Variants in SYNJ2BP observed in about 807,000 individuals in gnomAD.
The protein encoded by SYNJ2BP is synaptojanin-2-binding protein.
Under a neutral mutation model 16.9 loss-of-function variants are expected in SYNJ2BP, and 10 were observed. That is an observed-to-expected ratio of 0.59 (90% CI 0.36 to 1.00). SYNJ2BP has a LOEUF of 1.00. SYNJ2BP is among the 50% of genes least tolerant of loss of function. The pLI is 0.01. For synonymous variants in SYNJ2BP, 54 were observed against 68.4 expected (o/e 0.79, Z 1.04); for missense variants, 162 against 186.7 (o/e 0.87, Z 0.77).
chr14:70,377,107 T>C (rs1039331122), intron 2 of SYNJ2BP, among the ~76,000 whole-genome samples: 8 of 152,224 alleles, frequency 5.3e-5, no homozygotes, highest in Admixed American at 2.0e-4. Flanking sequence ...AGCTCCAATA[T>C]CTCAAACTCT....
intron 1 of SYNJ2BP, among the ~76,000 whole-genome samples, chr14:70,406,540 T>A (rs2140866781): frequency 6.6e-6 from 1 of 152,342 alleles, no homozygotes; most frequent in South Asian, 2.1e-4. Context: ...TTAGGAGTCA[T>A]GCAGCTGGAG....
intron 1 of SYNJ2BP, among the ~76,000 whole-genome samples, chr14:70,395,432 G>A (rs537784733): frequency 2.0e-5 from 3 of 152,018 alleles, no homozygotes; most frequent in Admixed American, 6.5e-5. Context: ...AGATCAATCC[G>A]ACTAATTTTC....
rs770695069 is a variant in SYNJ2BP at position 70,373,144 on chromosome 14, GA to G, written c.298-14del. On this transcript the variant is annotated splice_polypyrimidine_tract_variant and intron_variant, in intron 3 of 3. Coordinates refer to ENST00000256366, the MANE Select transcript of SYNJ2BP (RefSeq NM_018373.3). ...TCTGCACCTGTAACTGGAAGGGAAA[GA>G]AAAATGTTAACTCTAGTGACTAATG... 1.2e-6 allele frequency: 2 copies of G among 1,612,606 alleles called. No homozygotes were observed. Among genetic ancestry groups the G allele is most frequent in the Non-Finnish European group, 1.7e-6 (2 of 1,179,512 alleles).
At chr14:70,373,454 G>A (rs1342635121) in intron 3 of SYNJ2BP, among the ~76,000 whole-genome samples, 2 of 152,270 alleles carry the variant, frequency 1.3e-5, no homozygotes, top group East Asian at 3.9e-4. Flanking sequence ...GAAGACATGA[G>A]ATAAAACCTA....
intron 1 of SYNJ2BP, among the ~76,000 whole-genome samples, chr14:70,408,389 G>A (rs540777910): frequency 7.2e-5 from 11 of 152,100 alleles, no homozygotes; most frequent in East Asian, 1.9e-4. Flanking sequence ...AACAAAAATC[G>A]GACAGGCGTG....
At chr14:70,413,005 G>T (rs1196264073) in intron 1 of SYNJ2BP, among the ~76,000 whole-genome samples, 1 of 152,066 alleles carries the variant, frequency 6.6e-6, no homozygotes. Flanking sequence ...AATCAAGCTG[G>T]ACTCCTGTAG....
intron 2 of SYNJ2BP, among the ~76,000 whole-genome samples, chr14:70,386,254 T>C (rs1887856325): frequency 6.6e-6 from 1 of 152,234 alleles, no homozygotes; most frequent in Admixed American, 6.5e-5. Context: ...GATGAATGTC[T>C]TTCCTTGGGA....
intron 3 of SYNJ2BP, among the ~76,000 whole-genome samples, chr14:70,374,823 C>T (rs981152969): frequency 1.1e-4 from 16 of 152,086 alleles, no homozygotes; most frequent in African/African-American, 1.9e-4. Flanking sequence ...AAGTTTTCAG[C>T]GGTAGACATA....
chr14:70,407,783 C>T (rs943369759), intron 1 of SYNJ2BP, among the ~76,000 whole-genome samples: 3 of 152,086 alleles, frequency 2.0e-5, no homozygotes, highest in African/African-American at 7.2e-5. Context: ...TCGCTTTTCA[C>T]CCTATCATCC....
At chr14:70,385,790 G>A (rs1256034318) in intron 2 of SYNJ2BP, among the ~76,000 whole-genome samples, 1 of 152,156 alleles carries the variant, frequency 6.6e-6, no homozygotes, top group Admixed American at 6.5e-5. Context: ...TTAGGAGGCA[G>A]TATAACAGTA....
At chr14:70,377,559 G>A (rs1460134265) in intron 2 of SYNJ2BP, among the ~76,000 whole-genome samples, 1 of 152,104 alleles carries the variant, frequency 6.6e-6, no homozygotes, top group East Asian at 1.9e-4. Flanking sequence ...GAACACTGAG[G>A]ACTTCTGATA....
chr14:70,408,578 C>A (rs1047466687), intron 1 of SYNJ2BP, among the ~76,000 whole-genome samples: 1 of 150,812 alleles, frequency 6.6e-6, no homozygotes, highest in Non-Finnish European at 1.5e-5. Flanking sequence ...GAGGCTGAGG[C>A]GGGAGAATCG....
chr14:70,378,089 T>C (rs1055961441), intron 2 of SYNJ2BP, among the ~76,000 whole-genome samples: 4 of 73,738 alleles, frequency 5.4e-5, no homozygotes, highest in Non-Finnish European at 1.1e-4. Flanking sequence ...TCTTGGCATA[T>C]GAACACTTAG....
At chr14:70,407,080 A>G (rs1349599235) in intron 1 of SYNJ2BP, among the ~76,000 whole-genome samples, 1 of 152,128 alleles carries the variant, frequency 6.6e-6, no homozygotes, top group Non-Finnish European at 1.5e-5. Context: ...ACATTTATTA[A>G]TGACTCCTAC....
At chr14:70,377,966 G>A (rs547062346) in intron 2 of SYNJ2BP, among the ~76,000 whole-genome samples, 9 of 152,240 alleles carry the variant, frequency 5.9e-5, no homozygotes, top group Admixed American at 5.9e-4. Flanking sequence ...CACAATGTAT[G>A]AGGTAGAAGG....
chr14:70,400,027 GA>G (rs1888202048), intron 1 of SYNJ2BP, among the ~76,000 whole-genome samples: 1 of 152,166 alleles, frequency 6.6e-6, no homozygotes, highest in African/African-American at 2.4e-5. Context: ...CCTTGACTCT[GA>G]AATACAAAAC....
chr14:70,390,962 C>T (rs1292405441), intron 1 of SYNJ2BP, among the ~76,000 whole-genome samples: 2 of 152,062 alleles, frequency 1.3e-5, no homozygotes, highest in Non-Finnish European at 1.5e-5. Flanking sequence ...GGTGAAACCC[C>T]GTCTCTACCA....
intron 1 of SYNJ2BP, among the ~76,000 whole-genome samples, chr14:70,414,485 A>C (rs1888559323): frequency 6.6e-6 from 1 of 152,244 alleles, no homozygotes; most frequent in African/African-American, 2.4e-5. Context: ...TAACACTAGG[A>C]AATTTATGAC....
chr14:70,399,038 GC>G (rs1023464197), intron 1 of SYNJ2BP, among the ~76,000 whole-genome samples: 1 of 152,156 alleles, frequency 6.6e-6, no homozygotes, highest in African/African-American at 2.4e-5. Flanking sequence ...CGGGGATGCG[GC>G]CCCGCGGAGG....
Sources: allele counts gnomAD v4.1 joint callset (sites outside exome capture counted in the v4.1 genomes callset), GRCh38; gene constraint gnomAD v4.1.1; transcripts MANE v1.5; gene names NCBI Gene and HGNC (gene_info 2026-07-23, HGNC 2026-07-21).